The following BRINP3 variants were observed in gnomAD, a reference collection of about 807,000 sequenced individuals.
The protein encoded by BRINP3 is BMP/retinoic acid-inducible neural-specific protein 3.
Under a neutral mutation model 71.0 loss-of-function variants are expected in BRINP3, and 19 were observed. The ratio of observed to expected loss-of-function variants is 0.27; its 90% CI spans 0.19 to 0.39. BRINP3 has a LOEUF of 0.39. BRINP3 is among the 10% of genes least tolerant of loss of function. BRINP3 has a pLI of 1.00. For missense variants in BRINP3, 959 were observed against 940.8 expected, an observed-to-expected ratio of 1.02 and a Z score of -0.25; for synonymous variants, 380 against 337.7, an observed-to-expected ratio of 1.13 and a Z score of -1.37.
chr1:190,402,198 CCTG>C (rs1558253848), intron 2 of BRINP3, among the ~76,000 whole-genome samples: 1 of 151,840 alleles, frequency 6.6e-6, no homozygotes, highest in Non-Finnish European at 1.5e-5. Flanking sequence ...GTTTAATTTG[CCTG>C]CTATTTTTTC....
At chr1:190,251,066 C>T (rs769739334) in intron 4 of BRINP3, among the ~76,000 whole-genome samples, 20 of 151,018 alleles carry the variant, frequency 1.3e-4, no homozygotes, top group Admixed American at 4.7e-4. Flanking sequence ...ATAATAATAA[C>T]AACAACAATA....
chr1:190,405,297 A>C (rs1672192045), intron 2 of BRINP3, among the ~76,000 whole-genome samples: 1 of 151,718 alleles, frequency 6.6e-6, no homozygotes, highest in African/African-American at 2.4e-5. Flanking sequence ...TAAAAATGCA[A>C]AAAATTAGCC....
At chr1:190,232,051 G>A (rs565812884) in intron 5 of BRINP3, among the ~76,000 whole-genome samples, 2 of 151,822 alleles carry the variant, frequency 1.3e-5, no homozygotes, top group East Asian at 3.8e-4. Context: ...TGGGCCAAAC[G>A]CTCTGATTCT....
intron 6 of BRINP3, among the ~76,000 whole-genome samples, chr1:190,185,828 A>C (rs1653463681): frequency 6.6e-6 from 1 of 152,206 alleles, no homozygotes; most frequent in Non-Finnish European, 1.5e-5. Context: ...CAAAAGGAAT[A>C]GACTTTAAAA....
chr1:190,183,967 G>C (rs144692624), intron 6 of BRINP3, among the ~76,000 whole-genome samples: 1 of 152,084 alleles, frequency 6.6e-6, no homozygotes, highest in South Asian at 2.1e-4. Context: ...TCCTGATTCT[G>C]TGCCTAGAGA....
chr1:190,421,847 C>T (rs148222519), intron 2 of BRINP3, among the ~76,000 whole-genome samples: 290 of 151,958 alleles, frequency 1.9e-3, no homozygotes, highest in African/African-American at 6.6e-3. Context: ...AATCATCAGA[C>T]TTCCAGTTAC....
At chr1:190,135,680 G>A (rs938975649) in intron 7 of BRINP3, among the ~76,000 whole-genome samples, 4 of 152,036 alleles carry the variant, frequency 2.6e-5, no homozygotes, top group African/African-American at 9.7e-5. Flanking sequence ...CTAAACTTGA[G>A]CATCATGTAG....
chr1:190,139,624 C>CA (rs1655266188), intron 7 of BRINP3, among the ~76,000 whole-genome samples: 1 of 151,948 alleles, frequency 6.6e-6, no homozygotes, highest in Non-Finnish European at 1.5e-5. Context: ...GAAAGGTGGG[C>CA]AGGGAGGCTT....
intron 2 of BRINP3, among the ~76,000 whole-genome samples, chr1:190,401,376 C>CAAAAAAAAAAAAAA (rs762938571): frequency 2.2e-5 from 2 of 89,370 alleles, no homozygotes; most frequent in Non-Finnish European, 4.0e-5. Context: ...CATCTCAAAA[C>CAAAAAAAAAAAAAA]AAAAAAAAAA....
At chr1:190,241,669 C>T (rs1659112846) in intron 4 of BRINP3, among the ~76,000 whole-genome samples, 2 of 151,908 alleles carry the variant, frequency 1.3e-5, no homozygotes, top group African/African-American at 4.8e-5. Context: ...TTTATTAATG[C>T]TTTGAAATAT....
At chr1:190,435,251 A>T (rs1237947370) in intron 2 of BRINP3, among the ~76,000 whole-genome samples, 1 of 152,160 alleles carries the variant, frequency 6.6e-6, no homozygotes, top group Non-Finnish European at 1.5e-5. Context: ...AAAGGTATAT[A>T]GACTACCAGC....
intron 7 of BRINP3, 132 bp from the exon 8 acceptor site, chr1:190,099,266 G>T (rs1651478034): frequency 2.5e-6 from 2 of 807,704 alleles, no homozygotes; most frequent in Admixed American, 2.9e-5. Flanking sequence ...TGAAATAAAA[G>T]ATTCATAGAG....
At chr1:190,160,918 A>G (rs758048297) in intron 6 of BRINP3, 28 bp from the exon 7 acceptor site, 2 of 1,493,852 alleles carry the variant, frequency 1.3e-6, no homozygotes, top group South Asian at 1.2e-5. Flanking sequence ...TCAACACTTT[A>G]ATTATGAAAC....
chr1:190,455,769 C>T (rs1167294540), intron 1 of BRINP3, among the ~76,000 whole-genome samples: 2 of 152,022 alleles, frequency 1.3e-5, no homozygotes, highest in Non-Finnish European at 2.9e-5. Context: ...TAAGCTAATG[C>T]AGACTATTCA....
At chr1:190,332,115 G>A (rs1667003962) in intron 2 of BRINP3, among the ~76,000 whole-genome samples, 1 of 151,864 alleles carries the variant, frequency 6.6e-6, no homozygotes, top group Admixed American at 6.6e-5. Flanking sequence ...AATTATATAT[G>A]CCTATTTTGT....
intron 6 of BRINP3, among the ~76,000 whole-genome samples, chr1:190,188,464 T>A (rs1653734710): frequency 6.6e-6 from 1 of 152,282 alleles, no homozygotes; most frequent in East Asian, 1.9e-4. Context: ...ATCTTTCAAT[T>A]TTTCCCCATG....
intron 2 of BRINP3, among the ~76,000 whole-genome samples, chr1:190,392,203 T>A (rs1434572437): frequency 6.6e-6 from 1 of 151,656 alleles, no homozygotes; most frequent in Non-Finnish European, 1.5e-5. Flanking sequence ...ATATAAACAT[T>A]CAACTAAAGT....
chr1:190,395,711 A>G (rs1671522728), intron 2 of BRINP3, among the ~76,000 whole-genome samples: 1 of 151,820 alleles, frequency 6.6e-6, no homozygotes, highest in South Asian at 2.1e-4. Context: ...CTTTGCCTCT[A>G]AAGAAAGATG....
intron 7 of BRINP3, among the ~76,000 whole-genome samples, chr1:190,150,282 G>GTT (rs2102418706): frequency 6.6e-6 from 1 of 152,058 alleles, no homozygotes; most frequent in East Asian, 1.9e-4. Context: ...GTGTGTGTGT[G>GTT]TGTGTGTACA....
Sources: gnomAD v4.1 joint callset for allele counts (sites outside exome capture counted in the v4.1 genomes callset) on GRCh38, gnomAD v4.1.1 for gene constraint, MANE v1.5 for transcripts, NCBI Gene and HGNC (gene_info 2026-07-23, HGNC 2026-07-21) for gene names.